The following OSBPL5 variants were observed in gnomAD, a reference collection of about 807,000 sequenced individuals.
OSBPL5 encodes oxysterol-binding protein-related protein 5.
OSBPL5 carries 71 observed loss-of-function variants against 111.2 expected under a neutral mutation model. That is an observed-to-expected ratio of 0.64 (90% CI 0.53 to 0.78). The LOEUF is 0.78. OSBPL5 is among the 30% of genes least tolerant of loss of function. The pLI is 0.00. For synonymous variants in OSBPL5, 549 were observed against 513.9 expected (o/e 1.07, Z -0.93); for missense variants, 1,210 against 1,189.3 (o/e 1.02, Z -0.26).
rs527425099 is a variant in OSBPL5 at position 3,141,187 on chromosome 11, C to A, written c.-21-12018G>T. Among the ~76,000 whole-genome samples the A allele has an allele frequency of 6.6e-6, 1 of 152,326 alleles. No individual in the cohort carries two copies. Among genetic ancestry groups the A allele is most frequent in the East Asian group, 1.9e-4 (1 of 5,174 alleles). ...GACAGCCACCCAGGCTTCCCCCCGC[C>A]CAGCAGACAGTATCGTCATCATGTG... On this transcript the variant is annotated intron_variant, in intron 1 of 21. Transcript: ENST00000263650. The surrounding 1 kb of genome is among the most constrained non-coding windows in gnomAD (Gnocchi z 6.5).
chr11:3,119,411 C>T, intron 7 of OSBPL5, 136 bp downstream of exon 7: 1 of 848,138 alleles, frequency 1.2e-6, no homozygotes, highest in South Asian at 2.1e-5. Flanking sequence ...CCGGGCTCAT[C>T]CTGGCCAGAC....
At chr11:3,103,870 T>TCCAG (rs1857595512) in intron 10 of OSBPL5, among the ~76,000 whole-genome samples, 4 of 20,736 alleles carry the variant, frequency 1.9e-4, no homozygotes, top group South Asian at 7.9e-4. Context: ...GCAGCCCCCT[T>TCCAG]CCTGCCTCTG....
intron 7 of OSBPL5, among the ~76,000 whole-genome samples, chr11:3,118,244 C>A (rs1033021063): frequency 5.3e-5 from 8 of 152,222 alleles, no homozygotes; most frequent in African/African-American, 1.7e-4. Flanking sequence ...TAGGGGCCAA[C>A]CTGCCCCCCC....
chr11:3,124,203 G>C (rs1858520637), intron 3 of OSBPL5, among the ~76,000 whole-genome samples: 1 of 152,244 alleles, frequency 6.6e-6, no homozygotes, highest in Non-Finnish European at 1.5e-5. Flanking sequence ...CTAATAAGGA[G>C]CTGAGCTGGG....
chr11:3,111,286 A>G (rs1057415569), intron 7 of OSBPL5, among the ~76,000 whole-genome samples: 14 of 152,016 alleles, frequency 9.2e-5, no homozygotes, highest in Non-Finnish European at 1.3e-4. Context: ...CCCTGCTTCC[A>G]TGACGATGGA....
At position 3,104,340 on chromosome 11, in the gene OSBPL5, T is replaced by A; in HGVS notation, c.1097A>T (p.Glu366Val). The stretch of plus-strand genomic sequence containing the variant: ...CAGGGTCCACATCAGACTCTTGTTC[T>A]CCTCTGACACTGTCTCCACCTGGGA... ...EASQVETVSE[E>V]NKSLMWTLLK... is the part of the protein sequence containing the mutation. Residue 366 changes from glutamate (E) to valine (V), a missense_variant, in exon 10 of 22, where the codon GAG (glutamate) becomes GTG (valine). Physicochemically the swap from Glu to Val is moderately radical, Grantham distance 121 (BLOSUM62 -2). Transcript: ENST00000263650. This position sits in a 1 kb window ranked among gnomAD's most constrained non-coding sequence, Gnocchi z 5.0. 1 of 1,612,984 alleles carries A rather than the reference T, an allele frequency of 6.2e-7. No individual in the cohort carries two copies. The highest frequency in any genetic ancestry group is 8.5e-7 in the Non-Finnish European group (1 of 1,179,884).
intron 1 of OSBPL5, among the ~76,000 whole-genome samples, chr11:3,132,954 A>G (rs1230299514): frequency 1.3e-5 from 2 of 150,946 alleles, no homozygotes; most frequent in Non-Finnish European, 3.0e-5. Context: ...CAGGGTGGAG[A>G]CCCTCGGTGG....
At chr11:3,115,104 T>TTG (rs887644838) in intron 7 of OSBPL5, among the ~76,000 whole-genome samples, 1 of 152,100 alleles carries the variant, frequency 6.6e-6, no homozygotes, top group African/African-American at 2.4e-5. Flanking sequence ...TTCTGTTTTT[T>TTG]TGTGTGTGTG....
intron 7 of OSBPL5, among the ~76,000 whole-genome samples, chr11:3,118,937 T>G (rs2134451602): frequency 6.6e-6 from 1 of 152,146 alleles, no homozygotes; most frequent in African/African-American, 2.4e-5. Context: ...TGGCATGTGG[T>G]TGGAGCTCAG....
rs750506206 is a variant in OSBPL5, at chr11:3,161,621, G to A, written c.-22+3595C>T. On this transcript the variant is annotated intron_variant, in intron 1 of 21. Transcript: ENST00000263650. The surrounding 1 kb of genome is among the most constrained non-coding windows in gnomAD (Gnocchi z 8.0). ...GCAACCGTGCATGGGGACAGACACC[G>A]CGCACCAGCGGCACCCACCAGGGAC... Among the ~76,000 whole-genome samples the A allele has an allele frequency of 6.6e-6, 1 of 152,084 alleles. No homozygotes were observed. Among genetic ancestry groups the A allele is most frequent in the Admixed American group, 6.5e-5 (1 of 15,270 alleles).
Position 3,126,076 on chromosome 11 carries a change from T to C in OSBPL5, c.219+397A>G, listed in dbSNP as rs920770736. ...AGCCCTTGTGCACTGTGGGTGGCCA[T>C]GTAAGATGGTGCAGCCGCTGGGAAA... is the stretch of plus-strand genomic sequence containing the variant. On this transcript the variant is annotated intron_variant, in intron 3 of 21. Coordinates refer to ENST00000263650, the MANE Select transcript of OSBPL5 (RefSeq NM_020896.4). This position sits in a 1 kb window ranked among gnomAD's most constrained non-coding sequence, Gnocchi z 6.5. Among the ~76,000 whole-genome samples, 4 of 152,162 alleles carry C rather than the reference T, an allele frequency of 2.6e-5. No individual in the cohort carries two copies. The highest frequency in any genetic ancestry group is 2.4e-5 in the African/African-American group (1 of 41,426).
chr11:3,156,958 C>T (rs575579300), intron 1 of OSBPL5, among the ~76,000 whole-genome samples: 143 of 152,346 alleles, frequency 9.4e-4, no homozygotes, highest in African/African-American at 3.3e-3. Flanking sequence ...CTTTGCCAAC[C>T]GCTAAGCCCA....
At position 3,106,324 on chromosome 11, in the gene OSBPL5, C is replaced by T. The variant is rs1292873813; in HGVS notation, c.1059+939G>A. The stretch of plus-strand genomic sequence containing the variant: ...TGCCCCTTGCCCTCAGTGACAGCCA[C>T]GGCCTTGCTCTTGTCTCGCCTCCCG... On this transcript the variant is annotated intron_variant, in intron 9 of 21. Coordinates refer to ENST00000263650, the MANE Select transcript of OSBPL5 (RefSeq NM_020896.4). This position sits in a 1 kb window ranked among gnomAD's most constrained non-coding sequence, Gnocchi z 8.4. 5.3e-5 allele frequency among the ~76,000 whole-genome samples: 8 copies of T among 152,164 alleles called. No individual in the cohort carries two copies. The highest frequency in any genetic ancestry group is 7.4e-5 in the Non-Finnish European group (5 of 68,022).
intron 14 of OSBPL5, among the ~76,000 whole-genome samples, chr11:3,098,706 T>C (rs1857361819): frequency 6.6e-6 from 1 of 151,994 alleles, no homozygotes; most frequent in Non-Finnish European, 1.5e-5. Context: ...AGATTCTCCA[T>C]GTTCGTCAGG....
intron 1 of OSBPL5, among the ~76,000 whole-genome samples, chr11:3,147,003 G>A (rs1263218871): frequency 2.0e-5 from 3 of 152,202 alleles, no homozygotes; most frequent in South Asian, 2.1e-4. Flanking sequence ...CGCACAGCCC[G>A]CACCTTGTTA....
rs1288148164 is a variant in OSBPL5, at chr11:3,130,473, T to C, written c.-21-1304A>G. 6.6e-6 allele frequency among the ~76,000 whole-genome samples: 1 copy of C among 151,992 alleles called. No homozygotes were observed. The highest frequency in any genetic ancestry group is 2.4e-5 in the African/African-American group (1 of 41,382). On this transcript the variant is annotated intron_variant, in intron 1 of 21. Coordinates refer to ENST00000263650, the MANE Select transcript of OSBPL5 (RefSeq NM_020896.4). The surrounding 1 kb of genome is among the most constrained non-coding windows in gnomAD (Gnocchi z 4.5). Reference sequence around the variant, plus strand: ...TCAGGAGTGGGCTGGGGGCCCAGGGTGTCTGTGGTCCTGGGGGCTTCTGTC... The same window carrying C: ...TCAGGAGTGGGCTGGGGGCCCAGGGCGTCTGTGGTCCTGGGGGCTTCTGTC...
intron 1 of OSBPL5, among the ~76,000 whole-genome samples, chr11:3,153,504 A>G (rs1846653744): frequency 6.6e-6 from 1 of 152,166 alleles, no homozygotes; most frequent in Non-Finnish European, 1.5e-5. Flanking sequence ...TGAGGTCACA[A>G]ATTCCTGGGG....
rs1168912489 is a variant in OSBPL5, at chr11:3,105,997, C to A, written c.1059+1266G>T. On this transcript the variant is annotated intron_variant, in intron 9 of 21. Transcript: ENST00000263650. The surrounding 1 kb of genome is among the most constrained non-coding windows in gnomAD (Gnocchi z 5.2). ...ACGGGTGGCCCAGTGTCCACCCCCG[C>A]CCCTCGGCTGTCCCGAGGCCCTTGC... Among the ~76,000 whole-genome samples, 1 of 152,196 alleles carries A rather than the reference C, an allele frequency of 6.6e-6. No individual in the cohort carries two copies. Among genetic ancestry groups the A allele is most frequent in the Non-Finnish European group, 1.5e-5 (1 of 68,016 alleles).
At chr11:3,102,313 A>T in intron 11 of OSBPL5, 32 bp from the exon 12 acceptor site, 4 of 1,562,826 alleles carry the variant, frequency 2.6e-6, no homozygotes, top group Non-Finnish European at 3.5e-6. Context: ...GTGAGGAGCC[A>T]GGTGGGTAAG....
Sources: allele counts gnomAD v4.1 joint callset (sites outside exome capture counted in the v4.1 genomes callset), GRCh38; gene constraint gnomAD v4.1.1; non-coding constraint Gnocchi (gnomAD v3.1); transcripts MANE v1.5; gene names NCBI Gene and HGNC (gene_info 2026-07-23, HGNC 2026-07-21).